JMJD1C: variants seen among roughly 807,000 people sequenced by gnomAD.
JMJD1C encodes the protein jumonji domain-containing protein 1C.
A neutral mutation model predicts 245.3 loss-of-function variants in JMJD1C; 31 were observed. The observed-to-expected ratio is 0.13, with a 90% CI of 0.09 to 0.17. The LOEUF is 0.17. Among genes scored for constraint, JMJD1C ranks in the 10% least tolerant of loss-of-function variants. JMJD1C has a pLI of 1.00. For missense variants in JMJD1C, 2,691 were observed against 3,000.2 expected (o/e 0.90, Z 2.41); for synonymous variants, 1,057 against 1,017.4 (o/e 1.04, Z -0.74).
chr10:63,284,890 CACA>C (rs1857802592), intron 2 of JMJD1C, among the ~76,000 whole-genome samples: 1 of 150,090 alleles, frequency 6.7e-6, no homozygotes, highest in South Asian at 2.1e-4. Flanking sequence ...CACACACACA[CACA>C]CACACACACA....
At chr10:63,220,847 G>A (rs934111039) in intron 3 of JMJD1C, among the ~76,000 whole-genome samples, 5 of 152,182 alleles carry the variant, frequency 3.3e-5, no homozygotes, top group Non-Finnish European at 4.4e-5. Context: ...GGTGGCTCAC[G>A]CCTGTAATCC....
At chr10:63,489,264 G>T (rs1465184408) in intron 1 of JMJD1C, among the ~76,000 whole-genome samples, 2 of 152,162 alleles carry the variant, frequency 1.3e-5, no homozygotes, top group African/African-American at 4.8e-5. Flanking sequence ...GCTGGGCATG[G>T]TGGCGGGCGC....
intron 1 of JMJD1C, chr10:63,427,630 T>C (rs555522429): frequency 1.2e-5 from 16 of 1,361,238 alleles, no homozygotes; most frequent in Admixed American, 3.4e-5. Flanking sequence ...GGAGAAACAG[T>C]GTGTTTACTG....
chr10:63,287,978 C>A (rs189636189), intron 2 of JMJD1C, among the ~76,000 whole-genome samples: 1 of 152,168 alleles, frequency 6.6e-6, no homozygotes, highest in African/African-American at 2.4e-5. Flanking sequence ...ATCTCCTGAC[C>A]TCGTGATCCA....
chr10:63,435,947 C>T (rs537455940), intron 1 of JMJD1C, among the ~76,000 whole-genome samples: 4 of 152,168 alleles, frequency 2.6e-5, no homozygotes, highest in Admixed American at 2.0e-4. Context: ...AGTACCCTCT[C>T]TAAATAAATA....
chr10:63,202,315 TGTAA>T (rs568625730), intron 10 of JMJD1C: 734 of 985,116 alleles, frequency 7.5e-4, no homozygotes, highest in Admixed American at 1.4e-3. Flanking sequence ...GGCTCTAACT[TGTAA>T]GTGTCTTATT....
chr10:63,426,123 C>G (rs1453277969), intron 1 of JMJD1C, among the ~76,000 whole-genome samples: 2 of 152,124 alleles, frequency 1.3e-5, no homozygotes, highest in African/African-American at 4.8e-5. Flanking sequence ...GATTGTAATT[C>G]CAGCACTTTG....
chr10:63,271,386 C>A (rs552063115), intron 2 of JMJD1C, among the ~76,000 whole-genome samples: 11 of 151,830 alleles, frequency 7.2e-5, no homozygotes, highest in African/African-American at 2.7e-4. Context: ...TCATGTTGAC[C>A]AGGCTGGTTT....
At chr10:63,329,857 A>C (rs907214588) in intron 2 of JMJD1C, among the ~76,000 whole-genome samples, 1 of 152,180 alleles carries the variant, frequency 6.6e-6, no homozygotes, top group Non-Finnish European at 1.5e-5. Flanking sequence ...GTGTTGCCTG[A>C]TGATTTTGCC....
In JMJD1C at chr10:63,312,113, T is replaced by G. The variant is rs925835298; in HGVS notation, c.334-47349A>C. Among the ~76,000 whole-genome samples the G allele has an allele frequency of 2.6e-3, 315 of 122,216 alleles. 1 individual carries two copies. The highest frequency in any genetic ancestry group is 7.7e-3 in the African/African-American group (283 of 36,654). 80.2% of individuals were successfully genotyped at this position (122,216 alleles called of 152,430 possible). ...GCTAAACTTTTTTTTTTTTTTTTTT[T>G]TTTGTGTGTGTGAGACGAAGTTTCG... On this transcript the variant is annotated intron_variant, in intron 2 of 25. Coordinates refer to ENST00000399262, the MANE Select transcript of JMJD1C (RefSeq NM_032776.3).
rs1280218373 is a variant in JMJD1C, at chr10:63,173,225, C to CA, written c.7401+3071dup. On this transcript the variant is annotated intron_variant, in intron 24 of 25. Coordinates refer to ENST00000399262, the MANE Select transcript of JMJD1C (RefSeq NM_032776.3). The stretch of plus-strand genomic sequence containing the variant: ...ACTGGAACAGCCAAATGCCCATATG[C>CA]AAAAAATTGAACCTCGCTCCATACT... Among the ~76,000 whole-genome samples the CA allele has an allele frequency of 2.0e-5, 3 of 152,104 alleles. 1 individual carries two copies. The highest frequency in any genetic ancestry group is 4.1e-4 in the South Asian group (2 of 4,828).
chr10:63,221,244 A>T (rs963274391), intron 3 of JMJD1C, among the ~76,000 whole-genome samples: 1 of 152,252 alleles, frequency 6.6e-6, no homozygotes, highest in African/African-American at 2.4e-5. Context: ...AGTGTAAAAA[A>T]TAAAAAAGGA....
chr10:63,373,029 C>A, intron 2 of JMJD1C: 1 of 220,780 alleles, frequency 4.5e-6, no homozygotes, highest in Admixed American at 4.2e-5. Flanking sequence ...GAGCCAGGGC[C>A]CTAACCCAGT....
intron 1 of JMJD1C, among the ~76,000 whole-genome samples, chr10:63,492,055 T>C (rs1954194927): frequency 6.6e-6 from 1 of 152,214 alleles, no homozygotes; most frequent in Non-Finnish European, 1.5e-5. Flanking sequence ...TCTTTCTCTC[T>C]CTCTCTTTCG....
chr10:63,457,882 T>C (rs901657379), intron 1 of JMJD1C, among the ~76,000 whole-genome samples: 3 of 152,242 alleles, frequency 2.0e-5, no homozygotes, highest in East Asian at 1.9e-4. Context: ...GCAGTATGCA[T>C]AGTTTTGTTT....
At position 63,214,418 on chromosome 10, in the gene JMJD1C, A is replaced by T; in HGVS notation, c.1749T>A (p.Ser583=). The change falls in exon 8 of 26, where the codon TCT becomes TCA. Residue 583 remains serine, a synonymous_variant. Transcript: ENST00000399262. ...CCATGTTCAAGTGATCATTTCCTGA[A>T]GAAGCATTTGTAACACTTGATTGGG... ...DLTQSSVTNA[S]SGNDHLNMEK... 3 of 1,613,908 alleles carry T rather than the reference A, an allele frequency of 1.9e-6. No individual in the cohort carries two copies. Among genetic ancestry groups the T allele is most frequent in the Non-Finnish European group, 2.5e-6 (3 of 1,179,946 alleles).
chr10:63,349,322 T>TA (rs1358859043), intron 2 of JMJD1C, among the ~76,000 whole-genome samples: 1 of 152,166 alleles, frequency 6.6e-6, no homozygotes, highest in Non-Finnish European at 1.5e-5. Flanking sequence ...CCAAGTGGAC[T>TA]AAGACAGTGT....
intron 19 of JMJD1C, 57 bp from the exon 20 acceptor site, chr10:63,185,710 A>C (rs1162993788): frequency 1.1e-6 from 1 of 951,644 alleles, no homozygotes; most frequent in Non-Finnish European, 1.7e-6. Context: ...TATCTTTATT[A>C]ACATTTGGAA....
At chr10:63,238,165 T>C (rs953623511) in intron 3 of JMJD1C, among the ~76,000 whole-genome samples, 2 of 127,954 alleles carry the variant, frequency 1.6e-5, no homozygotes, top group African/African-American at 5.8e-5. Context: ...TGGGTGACAG[T>C]GTGAGACTCC....
Sources: allele counts gnomAD v4.1 joint callset (sites outside exome capture counted in the v4.1 genomes callset), GRCh38; gene constraint gnomAD v4.1.1; transcripts MANE v1.5; gene names NCBI Gene and HGNC (gene_info 2026-07-23, HGNC 2026-07-21).